Variants in SCN4A observed in about 807,000 individuals in gnomAD.
SCN4A encodes sodium voltage-gated channel alpha subunit 4.
Under a neutral mutation model 162.0 loss-of-function variants are expected in SCN4A, and 83 were observed. That is an observed-to-expected ratio of 0.51 (90% CI 0.43 to 0.61). The LOEUF is 0.61. SCN4A is among the 20% of genes least tolerant of loss of function. The pLI is 0.00. For missense variants in SCN4A, 2,196 were observed against 2,462.5 expected, an observed-to-expected ratio of 0.89 and a Z score of 2.29; for synonymous variants, 944 against 985.1, an observed-to-expected ratio of 0.96 and a Z score of 0.78.
chr17:63,968,487 C>T (rs751157292), intron 5 of SCN4A, 132 bp from the exon 6 acceptor site: 10 of 685,842 alleles, frequency 1.5e-5, no homozygotes, highest in South Asian at 4.0e-5. Flanking sequence ...ACTACTTCCC[C>T]GAAGCCTTCT....
intron 23 of SCN4A, among the ~76,000 whole-genome samples, 157 bp from the exon 24 acceptor site, chr17:63,942,150 G>C (rs1041247849): frequency 6.6e-6 from 1 of 152,120 alleles, no homozygotes; most frequent in East Asian, 1.9e-4. Context: ...GCTCTCCCAC[G>C]GGTCTTGGGG....
chr17:63,965,085 C>T (rs1909396453), intron 8 of SCN4A, among the ~76,000 whole-genome samples: 1 of 152,176 alleles, frequency 6.6e-6, no homozygotes, highest in Admixed American at 6.6e-5. Context: ...CACTCTGTTG[C>T]CCAGGCTGGA....
rs1908870292 is a variant in SCN4A at position 63,950,420 on chromosome 17, T to G, written c.2854-892A>C. ...CCCTTGGAGTTGTGCTCGCCCTCCT[T>G]GAACAAGTCCCCAGGCCCCGGCCCC... On this transcript the variant is annotated intron_variant, in intron 14 of 23. Transcript: ENST00000435607. The surrounding 1 kb of genome is among the most constrained non-coding windows in gnomAD (Gnocchi z 4.6). Among the ~76,000 whole-genome samples, 1 of 152,050 alleles carries G rather than the reference T, an allele frequency of 6.6e-6. No individual in the cohort carries two copies. Among genetic ancestry groups the G allele is most frequent in the Non-Finnish European group, 1.5e-5 (1 of 67,978 alleles).
chr17:63,954,053 C>T lies in SCN4A; in HGVS notation c.2377-2153G>A, dbSNP rs111264560. ...CCAGAAGCATAGCCAGGTTCTTCCT[C>T]GGAGCCCTGGGGGAGTGAGAGGGCA... On this transcript the variant is annotated intron_variant, in intron 13 of 23. Coordinates refer to ENST00000435607, the MANE Select transcript of SCN4A (RefSeq NM_000334.4). Among the ~76,000 whole-genome samples, 1,057 of 152,244 alleles carry T rather than the reference C, an allele frequency of 6.9e-3. 19 individuals carry two copies. Among genetic ancestry groups the T allele is most frequent in the African/African-American group, 0.024 (1,012 of 41,542 alleles).
intron 8 of SCN4A, among the ~76,000 whole-genome samples, chr17:63,965,387 G>A (rs1909406184): frequency 6.6e-6 from 1 of 152,212 alleles, no homozygotes; most frequent in Non-Finnish European, 1.5e-5. Flanking sequence ...CACCATCAAT[G>A]TTAGAAACAT....
Position 63,951,199 on chromosome 17 carries a change from GT to G in SCN4A, c.2853+224del, listed in dbSNP as rs1400886756. 1.3e-5 allele frequency among the ~76,000 whole-genome samples: 2 copies of G among 152,214 alleles called. No individual in the cohort carries two copies. The highest frequency in any genetic ancestry group is 4.8e-5 in the African/African-American group (2 of 41,450). ...GAATCAGGGTTTCTGGACAGACAGG[GT>G]TGATCATAATAACCACATCAATAAC... On this transcript the variant is annotated intron_variant, in intron 14 of 23. Coordinates refer to ENST00000435607, the MANE Select transcript of SCN4A (RefSeq NM_000334.4). The surrounding 1 kb of genome is among the most constrained non-coding windows in gnomAD (Gnocchi z 4.5).
At chr17:63,947,686 T>C (rs1382414852) in intron 17 of SCN4A, among the ~76,000 whole-genome samples, 1 of 152,194 alleles carries the variant, frequency 6.6e-6, no homozygotes, top group East Asian at 1.9e-4. Flanking sequence ...CCCCAAGGCC[T>C]CCTTTCCCTG....
rs768778696 is a variant in SCN4A, at chr17:63,941,518, G to A, written c.4764C>T (p.Ile1588=). 5 of 1,614,118 alleles carry A rather than the reference G, an allele frequency of 3.1e-6. No homozygotes were observed. Among genetic ancestry groups the A allele is most frequent in the Admixed American group, 1.7e-5 (1 of 60,020 alleles). Residue 1588 remains isoleucine (I), a synonymous_variant, in exon 24 of 24, where the codon ATC becomes ATT. Coordinates refer to ENST00000435607, the MANE Select transcript of SCN4A (RefSeq NM_000334.4). This position sits in a 1 kb window ranked among gnomAD's most constrained non-coding sequence, Gnocchi z 6.2. The part of the protein sequence containing the change: ...FCSYIIISFL[I]VVNMYIAIIL... ...TGATGGCGATGTACATGTTGACCAC[G>A]ATGAGGAAGGAGATGATGATATAGC...
chr17:63,949,473 T>C lies in SCN4A; in HGVS notation c.2909A>G (p.Tyr970Cys). 1 of 1,612,468 alleles carries C rather than the reference T, an allele frequency of 6.2e-7. No individual in the cohort carries two copies. The highest frequency in any genetic ancestry group is 1.3e-5 in the African/African-American group (1 of 75,010). ...CTCAGGGTCCTCCTCGGGGGGCTTG[T>C]AGTCAGCTGTGCTGCAGACGGACGA... ...GNSSVCSTAD[Y>C]KPPEEDPEEQ... The change falls in exon 15 of 24, where the codon TAC (tyrosine) becomes TGC (cysteine). Residue 970 changes from tyrosine (Y) to cysteine (C), a missense_variant. By Grantham distance (194) the Tyr-to-Cys change is radical. Coordinates refer to ENST00000435607, the MANE Select transcript of SCN4A (RefSeq NM_000334.4).
At position 63,950,987 on chromosome 17, in the gene SCN4A, C is replaced by A. The variant is rs1467099024; in HGVS notation, c.2853+437G>T. 1.3e-5 allele frequency among the ~76,000 whole-genome samples: 2 copies of A among 152,216 alleles called. No individual in the cohort carries two copies. The highest frequency in any genetic ancestry group is 2.9e-5 in the Non-Finnish European group (2 of 68,042). On this transcript the variant is annotated intron_variant, in intron 14 of 23. Transcript: ENST00000435607. The surrounding 1 kb of genome is among the most constrained non-coding windows in gnomAD (Gnocchi z 4.6). The stretch of plus-strand genomic sequence containing the variant: ...CCCACACTGGGAGGTTGGGAGCAGA[C>A]CCAGGTGGGGTCTAAACAGAGATAG...
chr17:63,946,744 C>T (rs1278668156), intron 18 of SCN4A, among the ~76,000 whole-genome samples: 1 of 152,200 alleles, frequency 6.6e-6, no homozygotes, highest in African/African-American at 2.4e-5. Flanking sequence ...CTCCTCTTCC[C>T]TGGCCGTGGG....
At position 63,945,724 on chromosome 17, in the gene SCN4A, A is replaced by T; in HGVS notation, c.3442-86T>A. On this transcript the variant is annotated intron_variant, in intron 18 of 23. Coordinates refer to ENST00000435607, the MANE Select transcript of SCN4A (RefSeq NM_000334.4). The surrounding 1 kb of genome is among the most constrained non-coding windows in gnomAD (Gnocchi z 4.4). ...CTCTACGCCACCCAGGGGACCAGGCAGAGCTGGGCATTGTCAATTAGGGAG... is the reference window on the plus strand; with the variant it reads ...CTCTACGCCACCCAGGGGACCAGGCTGAGCTGGGCATTGTCAATTAGGGAG... 7.1e-7 allele frequency: 1 copy of T among 1,401,554 alleles called. No homozygotes were observed. Among genetic ancestry groups the T allele is most frequent in the Non-Finnish European group, 9.8e-7 (1 of 1,019,232 alleles). The allele number at this position is 1,401,554 out of a possible 1,614,324, so 86.8% of individuals were successfully genotyped here.
At chr17:63,961,883 T>TC (rs1377918505) in intron 10 of SCN4A, among the ~76,000 whole-genome samples, 1 of 57,200 alleles carries the variant, frequency 1.7e-5, no homozygotes, top group African/African-American at 7.6e-5. Context: ...CACCCCCGGC[T>TC]CCAAGCTCCT....
At chr17:63,959,519 T>C in intron 11 of SCN4A, 81 bp from the exon 12 acceptor site, 1 of 1,354,996 alleles carries the variant, frequency 7.4e-7, no homozygotes, top group Non-Finnish European at 1.0e-6. Flanking sequence ...TCCCACCTCC[T>C]GGCAGAGGCT....
chr17:63,966,261 G>T lies in SCN4A; in HGVS notation c.1101-18C>A. The stretch of plus-strand genomic sequence containing the variant: ...GGCAGTGCCTAGGAATAGGACAGGG[G>T]GCTGGGTTTAGGGTGGGAGGAGCAC... On this transcript the variant is annotated intron_variant, in intron 7 of 23. Transcript: ENST00000435607. 1 of 1,599,806 alleles carries T rather than the reference G, an allele frequency of 6.3e-7. No individual in the cohort carries two copies. The highest frequency in any genetic ancestry group is 1.1e-5 in the South Asian group (1 of 88,394).
At chr17:63,959,038 G>A (rs1464856801) in intron 12 of SCN4A, among the ~76,000 whole-genome samples, 1 of 152,172 alleles carries the variant, frequency 6.6e-6, no homozygotes, top group Non-Finnish European at 1.5e-5. Flanking sequence ...GTTGGCCTCT[G>A]TCACTTGGGT....
Position 63,948,695 on chromosome 17 carries a change from C to T in SCN4A, c.3060G>A (p.Leu1020=). The part of the protein sequence containing the change: ...SQGRGKKWWT[L]RRACFKIVEH... ...CGACAATCTTGAAGCAGGCCCTGCG[C>T]AGAGTCCACCACTTCTTCCCACGGC... The change falls in exon 16 of 24, where the codon CTG becomes CTA. Residue 1020 remains leucine (L), a synonymous_variant. Coordinates refer to ENST00000435607, the MANE Select transcript of SCN4A (RefSeq NM_000334.4). The T allele has an allele frequency of 6.2e-7, 1 of 1,613,736 alleles. No homozygotes were observed. Among genetic ancestry groups the T allele is most frequent in the South Asian group, 1.1e-5 (1 of 91,060 alleles).
Position 63,941,886 on chromosome 17 carries a change from T to C in SCN4A, c.4396A>G (p.Lys1466Glu), listed in dbSNP as rs1387315746. The C allele has an allele frequency of 6.2e-7, 1 of 1,613,530 alleles. No individual in the cohort carries two copies. The highest frequency in any genetic ancestry group is 1.7e-5 in the Admixed American group (1 of 60,022). ...GRVLRLIRGA[K>E]GIRTLLFALM... ...GCGAACAGCAGCGTCCGGATGCCCT[T>C]GGCCCCGCGGATCAGCCGCAGGACA... is the stretch of plus-strand genomic sequence containing the variant. Residue 1466 changes from lysine (K) to glutamate (E), a missense_variant, in exon 24 of 24, where the codon AAG becomes GAG. Coordinates refer to ENST00000435607, the MANE Select transcript of SCN4A (RefSeq NM_000334.4). The surrounding 1 kb of genome is among the most constrained non-coding windows in gnomAD (Gnocchi z 6.2).
At chr17:63,958,455 T>C (rs2144794511) in intron 12 of SCN4A, among the ~76,000 whole-genome samples, 1 of 152,324 alleles carries the variant, frequency 6.6e-6, no homozygotes, top group Middle Eastern at 3.4e-3. Context: ...AATTGTAGAA[T>C]GTTGATAGTT....
Sources: allele counts gnomAD v4.1 joint callset (sites outside exome capture counted in the v4.1 genomes callset), GRCh38; gene constraint gnomAD v4.1.1; non-coding constraint Gnocchi (gnomAD v3.1); transcripts MANE v1.5; gene names NCBI Gene and HGNC (gene_info 2026-07-23, HGNC 2026-07-21).